AGBL1: variants seen among roughly 807,000 people sequenced by gnomAD.
AGBL1 encodes cytosolic carboxypeptidase 4.
Under a neutral mutation model 118.9 loss-of-function variants are expected in AGBL1, and 130 were observed. The ratio of observed to expected loss-of-function variants is 1.09; its 90% CI spans 0.95 to 1.26. The LOEUF is 1.26. AGBL1 is among the 50% of genes most tolerant of loss of function. The pLI, the probability that AGBL1 is intolerant of heterozygous loss-of-function variation, is 0.00. For missense variants in AGBL1, 1,584 were observed against 1,298.1 expected, an observed-to-expected ratio of 1.22 and a Z score of -3.38; for synonymous variants, 555 against 478.9, an observed-to-expected ratio of 1.16 and a Z score of -2.08.
At chr15:86,401,349 T>G (rs188364867) in intron 18 of AGBL1, among the ~76,000 whole-genome samples, 296 of 152,324 alleles carry the variant, frequency 1.9e-3, no homozygotes, top group African/African-American at 4.8e-3. Context: ...ATTTTAGATA[T>G]TAGTCCTTCG....
chr15:86,583,502 G>C (rs1350729436), intron 21 of AGBL1, among the ~76,000 whole-genome samples: 3 of 152,136 alleles, frequency 2.0e-5, no homozygotes, highest in Non-Finnish European at 4.4e-5. Flanking sequence ...TGTTGCTACA[G>C]AGGACATGAT....
chr15:86,257,597 A>G (rs1379725050), intron 8 of AGBL1, among the ~76,000 whole-genome samples: 2 of 152,214 alleles, frequency 1.3e-5, no homozygotes, highest in Non-Finnish European at 2.9e-5. Flanking sequence ...AATCAAGGTG[A>G]TATTTAGGTT....
At chr15:86,328,180 T>G (rs962521140) in intron 17 of AGBL1, among the ~76,000 whole-genome samples, 2 of 152,168 alleles carry the variant, frequency 1.3e-5, no homozygotes, top group African/African-American at 4.8e-5. Context: ...AACTTCCAGC[T>G]CCTAAACATG....
chr15:86,289,315 A>G (rs1194087512), intron 16 of AGBL1, among the ~76,000 whole-genome samples: 3 of 152,062 alleles, frequency 2.0e-5, no homozygotes, highest in Non-Finnish European at 2.9e-5. Flanking sequence ...TTCTTATGCA[A>G]TGTGGACCAT....
At chr15:86,823,577 C>T (rs2078969750) in intron 22 of AGBL1, among the ~76,000 whole-genome samples, 1 of 152,086 alleles carries the variant, frequency 6.6e-6, no homozygotes, top group South Asian at 2.1e-4. Context: ...AGACTACATG[C>T]AATAATAAAC....
rs145786408 is a variant in AGBL1, at chr15:86,721,872, A to G, written c.3158+47436A>G. 1.0e-2 allele frequency among the ~76,000 whole-genome samples: 1,522 copies of G among 152,334 alleles called. 36 individuals are homozygous for G. Among genetic ancestry groups the G allele is most frequent in the African/African-American group, 0.035 (1,458 of 41,570 alleles). The stretch of plus-strand genomic sequence containing the variant: ...TCTTATACACCGATAACAGATCAAC[A>G]GAGAGCCAAATCATGAGTGACCTCC... On this transcript the variant is annotated intron_variant, in intron 22 of 22. Coordinates refer to ENST00000614907, the MANE Select transcript of AGBL1 (RefSeq NM_001386094.1).
chr15:86,944,425 G>A (rs746445018), intron 23 of AGBL1, among the ~76,000 whole-genome samples: 11 of 152,078 alleles, frequency 7.2e-5, no homozygotes, highest in Non-Finnish European at 1.5e-4. Flanking sequence ...CAGGATGGCC[G>A]ACCAGCATGT....
chr15:86,084,903 A>G (rs992075237), intron 1 of AGBL1, among the ~76,000 whole-genome samples: 6 of 152,198 alleles, frequency 3.9e-5, no homozygotes, highest in Admixed American at 3.9e-4. Context: ...TCGCCTAGCC[A>G]TAGCTTTCTA....
At position 86,707,821 on chromosome 15, in the gene AGBL1, T is replaced by G. The variant is rs567931465; in HGVS notation, c.3158+33385T>G. On this transcript the variant is annotated intron_variant, in intron 22 of 22. Transcript: ENST00000614907. The stretch of plus-strand genomic sequence containing the variant: ...AGAAGTAGAAGCTGAACTTCCTTTT[T>G]CAATGGAGATGAGGAGATAGATATA... 1.9e-3 allele frequency among the ~76,000 whole-genome samples: 284 copies of G among 152,224 alleles called. 1 individual carries two copies. The highest frequency in any genetic ancestry group is 6.4e-3 in the African/African-American group (267 of 41,542).
intron 22 of AGBL1, among the ~76,000 whole-genome samples, chr15:86,817,342 T>C (rs2078874048): frequency 6.7e-6 from 1 of 149,790 alleles, no homozygotes; most frequent in Admixed American, 6.6e-5. Context: ...CCAAGCCTTC[T>C]AAATGCTCAT....
chr15:86,246,686 G>C (rs1308901571), intron 6 of AGBL1, among the ~76,000 whole-genome samples: 1 of 145,632 alleles, frequency 6.9e-6, no homozygotes, highest in East Asian at 1.9e-4. Context: ...TGGGTTTCAA[G>C]CAACTTAAGT....
At chr15:86,929,802 T>C (rs565146169) in intron 23 of AGBL1, among the ~76,000 whole-genome samples, 2 of 152,324 alleles carry the variant, frequency 1.3e-5, no homozygotes, top group East Asian at 3.9e-4. Context: ...CATTCATCAC[T>C]GGCATCCAAC....
At chr15:86,279,033 G>A (rs2079304170) in intron 15 of AGBL1, among the ~76,000 whole-genome samples, 1 of 152,206 alleles carries the variant, frequency 6.6e-6, no homozygotes, top group African/African-American at 2.4e-5. Flanking sequence ...TCTCAGTCTT[G>A]TATCTACCAT....
chr15:86,245,043 C>G (rs1435164588), intron 6 of AGBL1, among the ~76,000 whole-genome samples: 1 of 152,120 alleles, frequency 6.6e-6, no homozygotes, highest in Non-Finnish European at 1.5e-5. Flanking sequence ...AAGCTCGTCA[C>G]TCTCTGTTTA....
At position 86,397,530 on chromosome 15, in the gene AGBL1, G is replaced by C; in HGVS notation, c.2539G>C (p.Gly847Arg). The C allele has an allele frequency of 1.2e-6, 2 of 1,609,676 alleles. No individual in the cohort carries two copies. Among genetic ancestry groups the C allele is most frequent in the Non-Finnish European group, 1.7e-6 (2 of 1,177,962 alleles). ...FKIIPMLNPD[G>R]VINGNHRCSL... ...GATCATACCCATGCTCAACCCAGAT[G>C]GTGTCATCAACGGCAAGTATGTCAG... Residue 847 changes from glycine to arginine, a missense_variant, in exon 18 of 23, where the codon GGT (glycine) becomes CGT (arginine). Transcript: ENST00000614907.
At chr15:86,336,623 T>C (rs2080373225) in intron 17 of AGBL1, among the ~76,000 whole-genome samples, 1 of 152,044 alleles carries the variant, frequency 6.6e-6, no homozygotes, top group African/African-American at 2.4e-5. Context: ...CAGTGTAGAG[T>C]TGCTGGATTG....
At position 86,279,748 on chromosome 15, in the gene AGBL1, G is replaced by A; in HGVS notation, c.2185G>A (p.Ala729Thr). Residue 729 changes from alanine (A) to threonine (T), a missense_variant, in exon 16 of 23, where the codon GCC becomes ACC. Ala to Thr is a moderately conservative substitution (Grantham distance 58). Transcript: ENST00000614907. The stretch of plus-strand genomic sequence containing the variant: ...ACACAGTGAGGATGTCTGCTACCTG[G>A]CCTACCACTATCCCTATACCTACAC... The part of the protein sequence containing the change: ...FPHSEDVCYL[A>T]YHYPYTYTAL... The A allele has an allele frequency of 1.2e-6, 2 of 1,613,736 alleles. No homozygotes were observed. Among genetic ancestry groups the A allele is most frequent in the East Asian group, 2.2e-5 (1 of 44,862 alleles).
intron 5 of AGBL1, among the ~76,000 whole-genome samples, chr15:86,177,717 G>T (rs2077500208): frequency 6.6e-6 from 1 of 152,132 alleles, no homozygotes; most frequent in African/African-American, 2.4e-5. Flanking sequence ...GAAATCAAAA[G>T]TGAAACTAGA....
intron 17 of AGBL1, among the ~76,000 whole-genome samples, chr15:86,305,878 G>A (rs762497579): frequency 1.3e-5 from 2 of 152,028 alleles, no homozygotes; most frequent in Admixed American, 6.6e-5. Context: ...TGACAGCCTC[G>A]CCAGATTCTG....
Sources: gnomAD v4.1 joint callset for allele counts (sites outside exome capture counted in the v4.1 genomes callset) on GRCh38, gnomAD v4.1.1 for gene constraint, MANE v1.5 for transcripts, NCBI Gene and HGNC (gene_info 2026-07-23, HGNC 2026-07-21) for gene names.